Variants in WASF1 observed in about 807,000 individuals in gnomAD.
WASF1 encodes the protein WASP family member 1.
A neutral mutation model predicts 50.5 loss-of-function variants in WASF1; 7 were observed. The ratio of observed to expected loss-of-function variants is 0.14; its 90% CI spans 0.08 to 0.26. The LOEUF is 0.26. Ranked by LOEUF, WASF1 falls within the 10% of genes least tolerant of loss-of-function variation. The probability of loss-of-function intolerance (pLI) is 1.00; values close to 1 mark genes in which losing one functional copy is unlikely to be tolerated. For missense variants in WASF1, 470 were observed against 694.7 expected (o/e 0.68, Z 3.64); for synonymous variants, 205 against 244.0 (o/e 0.84, Z 1.49).
chr6:110,107,552 T>G (rs1284176888), intron 6 of WASF1, among the ~76,000 whole-genome samples: 1 of 152,212 alleles, frequency 6.6e-6, no homozygotes, highest in African/African-American at 2.4e-5. Context: ...TAACATCATC[T>G]AGAAGACAGA....
chr6:110,123,923 C>T (rs1021969191), intron 4 of WASF1, among the ~76,000 whole-genome samples: 7 of 151,880 alleles, frequency 4.6e-5, no homozygotes, highest in African/African-American at 1.2e-4. Context: ...GGAAGAGATC[C>T]CTTAGGTATT....
intron 3 of WASF1, among the ~76,000 whole-genome samples, chr6:110,143,348 G>C (rs1357028049): frequency 7.6e-6 from 1 of 130,728 alleles, no homozygotes; most frequent in African/African-American, 3.3e-5. Flanking sequence ...ATTCTAAATT[G>C]TTTATTTTGA....
rs568804303 is a variant in WASF1 at position 110,150,833 on chromosome 6, C to T, written c.-29+9802G>A. Among the ~76,000 whole-genome samples, 412 of 151,990 alleles carry T rather than the reference C, an allele frequency of 2.7e-3. 1 individual carries two copies. Among genetic ancestry groups the T allele is most frequent in the African/African-American group, 9.5e-3 (396 of 41,472 alleles). The stretch of plus-strand genomic sequence containing the variant: ...GGCAGATCACCTTACATCAGGAGTT[C>T]GAGACCAGCCTGGCTAACATGGTAA... On this transcript the variant is annotated intron_variant, in intron 3 of 10. Transcript: ENST00000392589.
chr6:110,152,672 T>C (rs956146584), intron 3 of WASF1, among the ~76,000 whole-genome samples: 3 of 152,200 alleles, frequency 2.0e-5, no homozygotes, highest in African/African-American at 7.2e-5. Flanking sequence ...TCTGAGTCCC[T>C]ATGCAGAGAA....
rs776339376 is a variant in WASF1, at chr6:110,127,455, T to C, written c.133+14A>G. On this transcript the variant is annotated intron_variant, in intron 4 of 10. Transcript: ENST00000392589. ...TCTGGTTTGTGAGTATATTTTTAAT[T>C]GATATATACTTACTTAGGCTACTTA... The C allele has an allele frequency of 2.6e-6, 4 of 1,550,786 alleles. No individual in the cohort carries two copies. The highest frequency in any genetic ancestry group is 3.5e-6 in the Non-Finnish European group (4 of 1,150,542).
intron 10 of WASF1, among the ~76,000 whole-genome samples, chr6:110,101,373 C>T (rs1773077172): frequency 6.6e-6 from 1 of 151,932 alleles, no homozygotes; most frequent in Admixed American, 6.5e-5. Flanking sequence ...TTTAAGGATA[C>T]CTACAAAGCA....
chr6:110,132,637 C>G (rs1774734664), intron 3 of WASF1, among the ~76,000 whole-genome samples: 1 of 151,760 alleles, frequency 6.6e-6, no homozygotes, highest in Non-Finnish European at 1.5e-5. Context: ...TACCCATCAC[C>G]CAAGCAGGGA....
intron 2 of WASF1, among the ~76,000 whole-genome samples, chr6:110,174,717 G>A (rs1328926424): frequency 1.3e-5 from 2 of 152,146 alleles, no homozygotes; most frequent in Non-Finnish European, 2.9e-5. Flanking sequence ...TAGCAAGCAA[G>A]CAATGTCACT....
intron 5 of WASF1, among the ~76,000 whole-genome samples, 168 bp downstream of exon 5, chr6:110,113,158 T>C (rs1187565263): frequency 6.6e-6 from 1 of 152,040 alleles, no homozygotes; most frequent in Non-Finnish European, 1.5e-5. Flanking sequence ...GCCCGGAGAA[T>C]CATACTGATG....
Position 110,101,619 on chromosome 6 carries a change from G to A in WASF1, c.1491C>T (p.Ala497=). The stretch of plus-strand genomic sequence containing the variant: ...GTATTGCTTCCAGTAGCACACTCCT[G>A]GCATCACTGATTACAGGTAGGGTTG... ...HPSTLPVISD[A]RSVLLEAIRK... Residue 497 remains alanine (A), a synonymous_variant, in exon 10 of 11, where the codon GCC becomes GCT. Coordinates refer to ENST00000392589, the MANE Select transcript of WASF1 (RefSeq NM_003931.3). 6.2e-7 allele frequency: 1 copy of A among 1,613,842 alleles called. No individual in the cohort carries two copies. The highest frequency in any genetic ancestry group is 8.5e-7 in the Non-Finnish European group (1 of 1,179,818).
At chr6:110,158,948 AATTATT>A (rs147588428) in intron 3 of WASF1, among the ~76,000 whole-genome samples, 2 of 151,840 alleles carry the variant, frequency 1.3e-5, no homozygotes, top group Non-Finnish European at 2.9e-5. Flanking sequence ...CTATGCTAGT[AATTATT>A]ATTATTAACC....
intron 2 of WASF1, among the ~76,000 whole-genome samples, chr6:110,174,103 T>A (rs1343509448): frequency 6.6e-6 from 1 of 152,138 alleles, no homozygotes; most frequent in African/African-American, 2.4e-5. Context: ...TCTGTTTACC[T>A]CTGCAACCTC....
At position 110,103,302 on chromosome 6, in the gene WASF1, T is replaced by C. The variant is rs1773174660; in HGVS notation, c.893+76A>G. ...AACTGTAAGGCCCGAAAGCCAAAAA[T>C]ACTTACTATATCGTCCTTGAAAGAA... On this transcript the variant is annotated intron_variant, in intron 9 of 10. Coordinates refer to ENST00000392589, the MANE Select transcript of WASF1 (RefSeq NM_003931.3). 4 of 1,486,216 alleles carry C rather than the reference T, an allele frequency of 2.7e-6. No individual in the cohort carries two copies. The African/African-American group carries it at 5.6e-5, about 21-fold the overall frequency. 92.1% of individuals were successfully genotyped at this position (1,486,216 alleles called of 1,614,324 possible). A position where few individuals can be genotyped will look rare whatever the true frequency, so the allele number is the denominator to read the frequency against.
chr6:110,176,046 A>G (rs1013643348), intron 2 of WASF1, among the ~76,000 whole-genome samples: 1 of 152,098 alleles, frequency 6.6e-6, no homozygotes, highest in Non-Finnish European at 1.5e-5. Flanking sequence ...TGAGAAAATA[A>G]GACTCAAGTT....
chr6:110,142,855 ATT>A (rs1482648162), intron 3 of WASF1, among the ~76,000 whole-genome samples: 1 of 151,088 alleles, frequency 6.6e-6, no homozygotes, highest in Non-Finnish European at 1.5e-5. Flanking sequence ...AAAGGGCTAA[ATT>A]ATACGGTGCT....
intron 9 of WASF1, among the ~76,000 whole-genome samples, chr6:110,102,607 A>C (rs568679922): frequency 6.6e-6 from 1 of 152,300 alleles, no homozygotes; most frequent in Admixed American, 6.5e-5. Context: ...TGCTATATTT[A>C]TACTGAAACT....
intron 4 of WASF1, among the ~76,000 whole-genome samples, chr6:110,116,417 A>G (rs1291100590): frequency 2.0e-5 from 3 of 152,138 alleles, no homozygotes; most frequent in African/African-American, 7.2e-5. Flanking sequence ...ACGCCCACAG[A>G]GCCTTGATCA....
At chr6:110,107,927 G>A (rs1168085754) in intron 6 of WASF1, among the ~76,000 whole-genome samples, 3 of 152,050 alleles carry the variant, frequency 2.0e-5, no homozygotes, top group African/African-American at 4.8e-5. Context: ...AGCACTTTGA[G>A]AGGCCAAGGC....
At chr6:110,177,022 T>C (rs568452329) in intron 2 of WASF1, 1 of 152,174 alleles carries the variant, frequency 6.6e-6, no homozygotes, top group African/African-American at 2.4e-5. Flanking sequence ...TTGGAAAAGA[T>C]ATCTTAAGTT....
Sources: gnomAD v4.1 joint callset for allele counts (sites outside exome capture counted in the v4.1 genomes callset) on GRCh38, gnomAD v4.1.1 for gene constraint, MANE v1.5 for transcripts, NCBI Gene and HGNC (gene_info 2026-07-23, HGNC 2026-07-21) for gene names.